EVI5: variants seen among roughly 807,000 people sequenced by gnomAD.
EVI5 encodes ecotropic viral integration site 5.
Under a neutral mutation model 112.0 loss-of-function variants are expected in EVI5, and 73 were observed. The observed-to-expected ratio is 0.65, with a 90% confidence interval of 0.54 to 0.79. The LOEUF (loss-of-function observed/expected upper bound fraction) is 0.79. EVI5 is among the 30% of genes least tolerant of loss of function. The probability of loss-of-function intolerance (pLI) is 0.00; values close to 1 mark genes in which losing one functional copy is unlikely to be tolerated. For missense variants in EVI5, 900 were observed against 968.8 expected, an observed-to-expected ratio of 0.93 and a Z score of 0.94; for synonymous variants, 305 against 319.9, an observed-to-expected ratio of 0.95 and a Z score of 0.50.
At chr1:92,749,157 A>T (rs1463513207) in intron 1 of EVI5, 1 of 262,302 alleles carries the variant, frequency 3.8e-6, no homozygotes, top group Non-Finnish European at 7.3e-6. Flanking sequence ...AATAAATTGT[A>T]TTATAGTCAT....
intron 19 of EVI5, among the ~76,000 whole-genome samples, chr1:92,525,285 T>TTTTTTTA (rs1386974706): frequency 2.0e-5 from 3 of 148,700 alleles, no homozygotes; most frequent in African/African-American, 7.5e-5. Context: ...TTTTTTTTTT[T>TTTTTTTA]TTGAGACAGA....
chr1:92,514,871 T>A (rs1659617129), intron 19 of EVI5, among the ~76,000 whole-genome samples: 1 of 152,226 alleles, frequency 6.6e-6, no homozygotes, highest in Admixed American at 6.5e-5. Flanking sequence ...AAATGATTTA[T>A]AAATCATTAA....
Position 92,510,020 on chromosome 1 carries a change from T to C in EVI5, c.*3636A>G, listed in dbSNP as rs1403322497. On this transcript the variant is annotated 3_prime_UTR_variant, in exon 20 of 20. Transcript: ENST00000684568. ...GAAAAGGAGTCAAACCAAGGCATAATATCCTATTGCATCCTAAAGGCCTGG... is the reference window on the plus strand; with the variant it reads ...GAAAAGGAGTCAAACCAAGGCATAACATCCTATTGCATCCTAAAGGCCTGG... 2 of 152,198 alleles carry C rather than the reference T, an allele frequency of 1.3e-5. No homozygotes were observed. The highest frequency in any genetic ancestry group is 4.8e-5 in the African/African-American group (2 of 41,442). The allele number at this position is 152,198 out of a possible 1,614,324, so 9.4% of individuals were successfully genotyped here. A position where few individuals can be genotyped will look rare whatever the true frequency, so the allele number is the denominator to read the frequency against.
At chr1:92,515,046 T>C (rs1659646662) in intron 19 of EVI5, among the ~76,000 whole-genome samples, 2 of 152,238 alleles carry the variant, frequency 1.3e-5, no homozygotes, top group South Asian at 4.2e-4. Context: ...CAACTCCCCC[T>C]GGGGAGAAGG....
chr1:92,571,869 T>A (rs912333620), intron 18 of EVI5, among the ~76,000 whole-genome samples: 3 of 152,180 alleles, frequency 2.0e-5, no homozygotes, highest in Admixed American at 1.3e-4. Flanking sequence ...GTTAACTGGT[T>A]TCCTAAGTAA....
chr1:92,523,411 T>C (rs116492535), intron 19 of EVI5, among the ~76,000 whole-genome samples: 3,093 of 152,056 alleles, frequency 0.02, 120 homozygotes, highest in African/African-American at 0.07. Context: ...AATAGTTATA[T>C]TTCAACATTT....
At chr1:92,633,208 G>GTTCAA (rs1360471143) in intron 14 of EVI5, among the ~76,000 whole-genome samples, 4 of 152,196 alleles carry the variant, frequency 2.6e-5, no homozygotes, top group African/African-American at 7.2e-5. Context: ...GCAGAGCTGA[G>GTTCAA]TTCAATTCCT....
intron 13 of EVI5, among the ~76,000 whole-genome samples, chr1:92,654,835 T>C (rs1475520487): frequency 6.6e-6 from 1 of 151,818 alleles, no homozygotes; most frequent in Non-Finnish European, 1.5e-5. Context: ...AAAATACAGG[T>C]AAAAGCTTTA....
chr1:92,594,919 AG>A (rs1464239997), intron 18 of EVI5, among the ~76,000 whole-genome samples: 3 of 152,346 alleles, frequency 2.0e-5, no homozygotes, highest in Non-Finnish European at 2.9e-5. Flanking sequence ...AGGAAACAAC[AG>A]GTCCTGGAGA....
At chr1:92,629,538 T>C (rs934242226) in intron 14 of EVI5, among the ~76,000 whole-genome samples, 1 of 152,198 alleles carries the variant, frequency 6.6e-6, no homozygotes, top group Non-Finnish European at 1.5e-5. Flanking sequence ...TTCTTTAATA[T>C]CCTTGAAAAG....
intron 17 of EVI5, 39 bp from the exon 18 acceptor site, chr1:92,605,441 T>A (rs1394924510): frequency 1.5e-6 from 2 of 1,368,708 alleles, no homozygotes; most frequent in African/African-American, 1.4e-5. Context: ...ATAAACCAGG[T>A]GTGTTTGGAA....
chr1:92,636,303 CA>C lies in EVI5; in HGVS notation c.1425del (p.Phe475LeufsTer5). On this transcript the variant is annotated frameshift_variant, in exon 14 of 20. Coordinates refer to ENST00000684568, the MANE Select transcript of EVI5 (RefSeq NM_001350197.2). LOFTEE classifies it high-confidence loss of function. ...ACCAATTCCTTCTCTAGCTGTAGCACAAAATCTTCGTTGTAGTTGGAACTGC... is the reference window on the plus strand; with the variant it reads ...ACCAATTCCTTCTCTAGCTGTAGCACAAATCTTCGTTGTAGTTGGAACTGC... ...HKCSSNYNED[F>X]VLQLEKELVQ... The C allele has an allele frequency of 6.2e-7, 1 of 1,613,830 alleles. No homozygotes were observed. The highest frequency in any genetic ancestry group is 8.5e-7 in the Non-Finnish European group (1 of 1,179,754).
intron 2 of EVI5, among the ~76,000 whole-genome samples, chr1:92,707,149 A>G (rs1570482830): frequency 1.5e-5 from 2 of 137,186 alleles, no homozygotes; most frequent in Non-Finnish European, 3.0e-5. Flanking sequence ...ATTGCACTCC[A>G]GCCTGGGCAA....
intron 2 of EVI5, among the ~76,000 whole-genome samples, chr1:92,718,237 T>C (rs919444747): frequency 6.6e-6 from 1 of 152,166 alleles, no homozygotes; most frequent in African/African-American, 2.4e-5. Context: ...CAACAGAATA[T>C]ACATTCTTCT....
At position 92,702,140 on chromosome 1, in the gene EVI5, C is replaced by A; in HGVS notation, c.639+1G>T. The A allele has an allele frequency of 1.4e-6, 2 of 1,440,180 alleles. No individual in the cohort carries two copies. The highest frequency in any genetic ancestry group is 1.9e-6 in the Non-Finnish European group (2 of 1,064,496). 89.2% of individuals were successfully genotyped at this position (1,440,180 alleles called of 1,614,324 possible). A position where few individuals can be genotyped will look rare whatever the true frequency, so the allele number is the denominator to read the frequency against. ...GACATTTAATACTTATATTAACTTACCTGCATAAGCAACAATCCAACTATA... is the reference window on the plus strand; with the variant it reads ...GACATTTAATACTTATATTAACTTAACTGCATAAGCAACAATCCAACTATA... On this transcript the variant is annotated splice_donor_variant, in intron 5 of 19. Coordinates refer to ENST00000684568, the MANE Select transcript of EVI5 (RefSeq NM_001350197.2). LOFTEE classifies it high-confidence loss of function.
intron 1 of EVI5, among the ~76,000 whole-genome samples, chr1:92,780,722 T>C (rs1684748124): frequency 6.6e-6 from 1 of 151,962 alleles, no homozygotes; most frequent in Non-Finnish European, 1.5e-5. Context: ...AAAAAGTGAA[T>C]CTTGGCCCGG....
chr1:92,629,702 C>T (rs2101829997), intron 14 of EVI5, among the ~76,000 whole-genome samples: 1 of 151,684 alleles, frequency 6.6e-6, no homozygotes, highest in South Asian at 2.1e-4. Flanking sequence ...TTTTAGGGTA[C>T]ATGTGCACAA....
chr1:92,730,086 T>A (rs752262957), intron 2 of EVI5, among the ~76,000 whole-genome samples: 19 of 152,134 alleles, frequency 1.2e-4, no homozygotes, highest in African/African-American at 3.1e-4. Flanking sequence ...GAAAGAGGTG[T>A]CAAGTGCAAT....
intron 18 of EVI5, among the ~76,000 whole-genome samples, chr1:92,585,551 A>C (rs1039957716): frequency 6.6e-6 from 1 of 152,218 alleles, no homozygotes; most frequent in Non-Finnish European, 1.5e-5. Flanking sequence ...CTCATAAATC[A>C]TAATTTAATT....
Sources: gnomAD v4.1 joint callset for allele counts (sites outside exome capture counted in the v4.1 genomes callset) on GRCh38, gnomAD v4.1.1 for gene constraint, MANE v1.5 for transcripts, NCBI Gene and HGNC (gene_info 2026-07-23, HGNC 2026-07-21) for gene names.